TENM3: variants seen among roughly 807,000 people sequenced by gnomAD.
TENM3 encodes the protein teneurin transmembrane protein 3.
TENM3 carries 63 observed loss-of-function variants against 255.1 expected under a neutral mutation model. The ratio of observed to expected loss-of-function variants is 0.25; its 90% CI spans 0.20 to 0.30. The LOEUF (loss-of-function observed/expected upper bound fraction) is 0.30. TENM3 is among the 10% of genes least tolerant of loss of function. The pLI, the probability that TENM3 is intolerant of heterozygous loss-of-function variation, is 1.00. For missense variants in TENM3, 2,929 were observed against 3,461.1 expected (o/e 0.85, Z 3.86); for synonymous variants, 1,306 against 1,322.3 (o/e 0.99, Z 0.27).
chr4:181,483,816 G>C, the TENM3 span, among the ~76,000 whole-genome samples: 1 of 152,102 alleles, frequency 6.6e-6, no homozygotes, highest in African/African-American at 2.4e-5. Flanking sequence ...TGCGGTAATT[G>C]TGTGTTACAA....
chr4:182,123,052 G>A, the TENM3 span, among the ~76,000 whole-genome samples: 6 of 152,236 alleles, frequency 3.9e-5, no homozygotes, highest in African/African-American at 1.4e-4. Context: ...TTTTTCTTCT[G>A]CAATTTCCTC....
rs114418380 is a variant in TENM3 at position 182,458,916 on chromosome 4, T to C, written c.511+111987T>C. On this transcript the variant is annotated intron_variant, in intron 3 of 27. Coordinates refer to ENST00000511685, the MANE Select transcript of TENM3 (RefSeq NM_001080477.4). Reference sequence around the variant, plus strand: ...TGCCACTTTTGGTATTTGGTCGTAATAGAGATTCTAAAAATGAAGGGGGTT... The same window carrying C: ...TGCCACTTTTGGTATTTGGTCGTAACAGAGATTCTAAAAATGAAGGGGGTT... Among the ~76,000 whole-genome samples, 360 of 152,328 alleles carry C rather than the reference T, an allele frequency of 2.4e-3. 1 individual carries two copies. Among genetic ancestry groups the C allele is most frequent in the Non-Finnish European group, 4.3e-3 (291 of 68,012 alleles).
intron 1 of TENM3, among the ~76,000 whole-genome samples, chr4:182,149,403 G>C (rs1413978357): frequency 6.6e-6 from 1 of 151,884 alleles, no homozygotes; most frequent in African/African-American, 2.4e-5. Context: ...AATAACCCAG[G>C]TGATTGCCTA....
the TENM3 span, among the ~76,000 whole-genome samples, chr4:181,839,396 CAT>C: frequency 4.7e-5 from 4 of 86,004 alleles, no homozygotes; most frequent in East Asian, 8.0e-4. Flanking sequence ...CACCTATATA[CAT>C]ATATATATAC....
chr4:182,777,541 G>GTGTGTGTGTGTGTGTGTGTT (rs1579462872), intron 24 of TENM3, among the ~76,000 whole-genome samples: 2 of 106,406 alleles, frequency 1.9e-5, no homozygotes, highest in East Asian at 3.1e-4. Context: ...GTGTGTGTGT[G>GTGTGTGTGTGTGTGTGTGTT]TATTTCTTTT....
At chr4:181,900,429 C>T in the TENM3 span, among the ~76,000 whole-genome samples, 10 of 152,170 alleles carry the variant, frequency 6.6e-5, no homozygotes, top group African/African-American at 2.2e-4. Flanking sequence ...TATTCTTTCA[C>T]ATATCATATA....
chr4:182,367,460 C>G (rs10003014), intron 3 of TENM3, among the ~76,000 whole-genome samples: 6,236 of 152,158 alleles, frequency 0.041, 226 homozygotes, highest in African/African-American at 0.091. Flanking sequence ...GACTATATTA[C>G]GATGAGCTTG....
chr4:182,202,090 C>A (rs1333203611), intron 1 of TENM3, among the ~76,000 whole-genome samples: 1 of 152,176 alleles, frequency 6.6e-6, no homozygotes, highest in African/African-American at 2.4e-5. Context: ...GCGTCTGGGC[C>A]TGTCCCTGTG....
chr4:182,682,802 T>C lies in TENM3; in HGVS notation c.2035+788T>C, dbSNP rs140698160. On this transcript the variant is annotated intron_variant, in intron 11 of 27. Coordinates refer to ENST00000511685, the MANE Select transcript of TENM3 (RefSeq NM_001080477.4). The stretch of plus-strand genomic sequence containing the variant: ...ACTCATGAGCTAATTCCATAACTCA[T>C]AAGTTATGGTTTGAGAAGATGCCAT... Among the ~76,000 whole-genome samples, 162 of 152,262 alleles carry C rather than the reference T, an allele frequency of 1.1e-3. 2 individuals are homozygous for C. The highest frequency in any genetic ancestry group is 3.1e-3 in the Admixed American group (47 of 15,296).
chr4:181,454,561 C>T, the TENM3 span, among the ~76,000 whole-genome samples: 2 of 147,806 alleles, frequency 1.4e-5, no homozygotes, highest in African/African-American at 2.5e-5. Context: ...GTACTGTAAG[C>T]TCCATTCCTG....
chr4:182,209,780 C>CGAACATAG (rs1171459135), intron 1 of TENM3, among the ~76,000 whole-genome samples: 1 of 151,924 alleles, frequency 6.6e-6, no homozygotes, highest in African/African-American at 2.4e-5. Context: ...TGAAGGTGCA[C>CGAACATAG]GAACATAGCA....
the TENM3 span, among the ~76,000 whole-genome samples, chr4:181,556,287 C>G: frequency 6.6e-6 from 1 of 151,970 alleles, no homozygotes; most frequent in African/African-American, 2.4e-5. Context: ...TTGTAAGAGG[C>G]TGATGTATGA....
At chr4:182,629,786 G>A (rs1751183155) in intron 5 of TENM3, among the ~76,000 whole-genome samples, 1 of 152,138 alleles carries the variant, frequency 6.6e-6, no homozygotes, top group Admixed American at 6.5e-5. Context: ...AGAGCTGTAT[G>A]TAGAATACTA....
chr4:181,539,103 G>T, the TENM3 span, among the ~76,000 whole-genome samples: 1 of 152,058 alleles, frequency 6.6e-6, no homozygotes, highest in African/African-American at 2.4e-5. Flanking sequence ...GGCAGACTAC[G>T]TTCAATGTTC....
chr4:181,682,486 C>T, the TENM3 span, among the ~76,000 whole-genome samples: 14 of 152,250 alleles, frequency 9.2e-5, no homozygotes, highest in African/African-American at 1.4e-4. Flanking sequence ...TATGTAGACA[C>T]GGACATTTGT....
At chr4:181,974,717 T>C in the TENM3 span, among the ~76,000 whole-genome samples, 2 of 152,216 alleles carry the variant, frequency 1.3e-5, no homozygotes, top group Non-Finnish European at 2.9e-5. Flanking sequence ...CTAAGTGGAA[T>C]ACATTTACTA....
the TENM3 span, among the ~76,000 whole-genome samples, chr4:181,874,011 C>G: frequency 6.6e-6 from 1 of 152,120 alleles, no homozygotes; most frequent in Non-Finnish European, 1.5e-5. Context: ...TCTCAATATC[C>G]TGACCTGGTG....
At chr4:182,057,802 C>T in the TENM3 span, among the ~76,000 whole-genome samples, 25 of 151,996 alleles carry the variant, frequency 1.6e-4, no homozygotes, top group African/African-American at 5.1e-4. Context: ...TAAACTTCAA[C>T]GTAATGAGAA....
chr4:182,226,256 G>C (rs1756148297), intron 1 of TENM3, among the ~76,000 whole-genome samples: 1 of 152,102 alleles, frequency 6.6e-6, no homozygotes, highest in African/African-American at 2.4e-5. Context: ...AAAAAGAAGA[G>C]GCTGGATTCC....
Sources: gnomAD v4.1 joint callset for allele counts (sites outside exome capture counted in the v4.1 genomes callset) on GRCh38, gnomAD v4.1.1 for gene constraint, MANE v1.5 for transcripts, NCBI Gene and HGNC (gene_info 2026-07-23, HGNC 2026-07-21) for gene names.